The following PIGN variants were observed in gnomAD, a reference collection of about 807,000 sequenced individuals.
PIGN encodes GPI ethanolamine phosphate transferase 1.
PIGN carries 117 observed loss-of-function variants against 125.4 expected under a neutral mutation model. That is an observed-to-expected ratio of 0.93 (90% CI 0.80 to 1.09). The LOEUF (loss-of-function observed/expected upper bound fraction) is 1.09, where lower values mean the gene tolerates loss of function less well. PIGN is among the 50% of genes least tolerant of loss of function. The pLI, the probability that PIGN is intolerant of heterozygous loss-of-function variation, is 0.00. For missense variants in PIGN, 1,075 were observed against 1,094.9 expected, an observed-to-expected ratio of 0.98 and a Z score of 0.26; for synonymous variants, 392 against 377.8, an observed-to-expected ratio of 1.04 and a Z score of -0.44.
rs117471316 is a variant in PIGN at position 62,143,136 on chromosome 18, G to C, written c.963+170C>G. On this transcript the variant is annotated intron_variant, in intron 11 of 30. Coordinates refer to ENST00000640252, the MANE Select transcript of PIGN (RefSeq NM_176787.5). ...TCAAGTTTTGTTTGTTTTGCCACAAGAGAGATTAGCTGGGCTAAAATATTT... is the reference window on the plus strand; with the variant it reads ...TCAAGTTTTGTTTGTTTTGCCACAACAGAGATTAGCTGGGCTAAAATATTT... Among the ~76,000 whole-genome samples the C allele has an allele frequency of 0.022, 3,302 of 152,278 alleles. 76 individuals carry two copies. Among genetic ancestry groups the C allele is most frequent in the Non-Finnish European group, 0.028 (1,877 of 68,006 alleles).
intron 25 of PIGN, among the ~76,000 whole-genome samples, chr18:62,087,787 C>G (rs1029874234): frequency 6.6e-6 from 1 of 152,140 alleles, no homozygotes; most frequent in Non-Finnish European, 1.5e-5. Context: ...ATACGAGGAA[C>G]TCCTACAGCT....
chr18:62,186,082 G>T (rs1311493433), intron 1 of PIGN, among the ~76,000 whole-genome samples: 2 of 122,770 alleles, frequency 1.6e-5, no homozygotes, highest in African/African-American at 6.4e-5. Context: ...ACGGAGTCTC[G>T]TTCTGTCGCC....
At position 62,085,211 on chromosome 18, in the gene PIGN, G is replaced by A; in HGVS notation, c.2424C>T (p.Asn808=). 6.6e-7 allele frequency: 1 copy of A among 1,510,794 alleles called. No individual in the cohort carries two copies. The highest frequency in any genetic ancestry group is 9.0e-7 in the Non-Finnish European group (1 of 1,112,122). 93.6% of individuals were successfully genotyped at this position (1,510,794 alleles called of 1,614,324 possible). A position where few individuals can be genotyped will look rare whatever the true frequency, so the allele number is the denominator to read the frequency against. The change falls in exon 26 of 31, where the codon AAC becomes AAT. Residue 808 remains asparagine, a splice_region_variant and synonymous_variant. Transcript: ENST00000640252. The stretch of plus-strand genomic sequence containing the variant: ...ATGCCACTTTCATTTAAAATTACCT[G>A]TTAATAGAAGCTATATTTCCAGTTC... The part of the protein sequence containing the change: ...FFGTGNIASI[N]SFDLASVYCF...
At chr18:62,030,698 T>C (rs1452366181) in intron 23 of PIGN, among the ~76,000 whole-genome samples, 1 of 152,262 alleles carries the variant, frequency 6.6e-6, no homozygotes, top group African/African-American at 2.4e-5. Context: ...ATACTCAAAC[T>C]TGTGGCCCAG....
rs527393053 is a variant in PIGN, at chr18:62,110,852, A to G, written c.1435-879T>C. On this transcript the variant is annotated intron_variant, in intron 16 of 30. Coordinates refer to ENST00000640252, the MANE Select transcript of PIGN (RefSeq NM_176787.5). The stretch of plus-strand genomic sequence containing the variant: ...ACTTAAAGCATAATAAAAAATATAT[A>G]TATAATACATATATATATATAAATA... Among the ~76,000 whole-genome samples the G allele has an allele frequency of 2.4e-4, 36 of 147,840 alleles. 4 individuals carry two copies. The South Asian group carries it at 2.5e-3, about 10-fold the overall frequency.
chr18:62,037,489 C>A (rs964961562), downstream of PIGN, among the ~76,000 whole-genome samples: 3 of 152,224 alleles, frequency 2.0e-5, no homozygotes, highest in African/African-American at 4.8e-5. Flanking sequence ...ACGTAAAGGC[C>A]TAGTGAAGCT....
At chr18:62,114,663 T>A (rs2035019944) in intron 14 of PIGN, 24 bp from the exon 15 acceptor site, 1 of 1,151,648 alleles carries the variant, frequency 8.7e-7, no homozygotes, top group African/African-American at 1.6e-5. Flanking sequence ...AAAGAATAGG[T>A]TTAAAGGGTT....
chr18:62,027,112 A>G (rs1319761943), intron 23 of PIGN, among the ~76,000 whole-genome samples: 2 of 152,214 alleles, frequency 1.3e-5, no homozygotes, highest in Admixed American at 1.3e-4. Flanking sequence ...CAGAGGCAGG[A>G]GAATCACTTG....
intron 29 of PIGN, among the ~76,000 whole-genome samples, chr18:62,073,876 C>T (rs1174398201): frequency 1.3e-5 from 2 of 152,158 alleles, no homozygotes; most frequent in African/African-American, 2.4e-5. Context: ...AATGTCATGC[C>T]TCATAGAAGG....
At chr18:62,171,449 T>C (rs2037342458) in intron 1 of PIGN, among the ~76,000 whole-genome samples, 1 of 152,216 alleles carries the variant, frequency 6.6e-6, no homozygotes, top group South Asian at 2.1e-4. Context: ...AATCTTTATG[T>C]ATTTTATTTA....
At position 62,072,579 on chromosome 18, in the gene PIGN, T is replaced by TCTGA; in HGVS notation, c.2672+93_2672+94insTCAG. 3 of 951,890 alleles carry TCTGA rather than the reference T, an allele frequency of 3.2e-6. No homozygotes were observed. The South Asian group carries it at 4.5e-5, about 14-fold the overall frequency. 59.0% of individuals were successfully genotyped at this position (951,890 alleles called of 1,614,324 possible). On this transcript the variant is annotated intron_variant, in intron 30 of 30. Transcript: ENST00000640252. ...ACCATCTAGGTTTGTGTGAATATAC[T>TCTGA]CTGTGATGTTTGCACAGTGAAGAAA...
intron 25 of PIGN, among the ~76,000 whole-genome samples, chr18:62,086,579 T>C (rs1223129487): frequency 6.6e-6 from 1 of 151,182 alleles, no homozygotes; most frequent in African/African-American, 2.4e-5. Flanking sequence ...ATTGTGCCAT[T>C]GCACTCCAGC....
At chr18:62,157,864 TA>T in intron 4 of PIGN, 56 bp from the exon 5 acceptor site, 1 of 1,483,642 alleles carries the variant, frequency 6.7e-7, no homozygotes, top group Non-Finnish European at 9.2e-7. Flanking sequence ...TACTCTCACA[TA>T]AAGCTTTAGA....
chr18:62,159,139 G>A (rs1015857895), intron 4 of PIGN, among the ~76,000 whole-genome samples: 2 of 152,194 alleles, frequency 1.3e-5, no homozygotes, highest in Non-Finnish European at 2.9e-5. Flanking sequence ...AGCTACTCAG[G>A]AGGCTGAGGC....
At chr18:62,091,591 A>T (rs1440424232) in intron 23 of PIGN, among the ~76,000 whole-genome samples, 1 of 152,190 alleles carries the variant, frequency 6.6e-6, no homozygotes, top group African/African-American at 2.4e-5. Flanking sequence ...AACAGAAAAC[A>T]ACCTACATGT....
intron 23 of PIGN, among the ~76,000 whole-genome samples, chr18:62,021,470 A>T (rs2030054249): frequency 6.6e-6 from 1 of 152,224 alleles, no homozygotes; most frequent in African/African-American, 2.4e-5. Flanking sequence ...TAATTGCATC[A>T]TTTCTCTGAG....
chr18:62,077,648 T>C (rs556973311), intron 28 of PIGN, among the ~76,000 whole-genome samples: 19 of 152,288 alleles, frequency 1.2e-4, no homozygotes, highest in Non-Finnish European at 2.8e-4. Flanking sequence ...ATGTGGAAAG[T>C]ACCTAATACA....
Position 62,085,086 on chromosome 18 carries a change from C to T in PIGN, c.2426+123G>A, listed in dbSNP as rs991283453. The T allele has an allele frequency of 1.1e-4, 70 of 631,500 alleles. 1 individual carries two copies. In the South Asian group the frequency reaches 1.3e-3, roughly 11 times the overall value. The allele number at this position is 631,500 out of a possible 1,614,324, so 39.1% of individuals were successfully genotyped here. ...TCACACCACTGCCCTCCAGTCTAGGCAACAGAGTGAGACTTGGTCTCAAAA... is the reference window on the plus strand; with the variant it reads ...TCACACCACTGCCCTCCAGTCTAGGTAACAGAGTGAGACTTGGTCTCAAAA... On this transcript the variant is annotated intron_variant, in intron 26 of 30. Transcript: ENST00000640252.
intron 30 of PIGN, among the ~76,000 whole-genome samples, chr18:62,050,390 T>C (rs2031173440): frequency 6.6e-6 from 1 of 152,228 alleles, no homozygotes; most frequent in African/African-American, 2.4e-5. Flanking sequence ...CAGTGGTTTG[T>C]AGTTCTCCTT....
Sources: gnomAD v4.1 joint callset for allele counts (sites outside exome capture counted in the v4.1 genomes callset) on GRCh38, gnomAD v4.1.1 for gene constraint, MANE v1.5 for transcripts, NCBI Gene and HGNC (gene_info 2026-07-23, HGNC 2026-07-21) for gene names.